COL12A1: variants seen among roughly 807,000 people sequenced by gnomAD.
COL12A1 encodes collagen alpha-1(XII) chain.
Under a neutral mutation model 349.7 loss-of-function variants are expected in COL12A1, and 114 were observed. The ratio of observed to expected loss-of-function variants is 0.33; its 90% CI spans 0.28 to 0.38. The LOEUF (loss-of-function observed/expected upper bound fraction) is 0.38, where lower values mean the gene tolerates loss of function less well. Ranked by LOEUF, COL12A1 falls within the 10% of genes least tolerant of loss-of-function variation. COL12A1 has a pLI of 1.00. For synonymous variants in COL12A1, 1,369 were observed against 1,329.0 expected (o/e 1.03, Z -0.66); for missense variants, 3,284 against 3,756.9 (o/e 0.87, Z 3.29).
rs747509538 is a variant in COL12A1, at chr6:75,146,173, C to T, written c.4489G>A (p.Val1497Met). Residue 1497 changes from valine to methionine, a missense_variant, in exon 24 of 66, where the codon GTG becomes ATG. Physicochemically the swap from Val to Met is conservative, Grantham distance 21. Coordinates refer to ENST00000322507, the MANE Select transcript of COL12A1 (RefSeq NM_004370.6). ...PTTMHVQWQP[V>M]GGATGYILSY... ...AAGATGTAGCCAGTAGCTCCTCCCA[C>T]AGGCTGCCACTGCACATGCATGGTG... 1 of 1,613,728 alleles carries T rather than the reference C, an allele frequency of 6.2e-7. No homozygotes were observed. Among genetic ancestry groups the T allele is most frequent in the Non-Finnish European group, 8.5e-7 (1 of 1,179,790 alleles).
At chr6:75,137,660 CAG>C in intron 30 of COL12A1, 81 bp from the exon 31 acceptor site, 1 of 1,455,228 alleles carries the variant, frequency 6.9e-7, no homozygotes, top group Middle Eastern at 2.3e-4. Context: ...CCAAGGCAAT[CAG>C]AGAATTCTAT....
At chr6:75,127,123 C>T (rs1051586828) in intron 38 of COL12A1, among the ~76,000 whole-genome samples, 2 of 152,028 alleles carry the variant, frequency 1.3e-5, no homozygotes, top group Non-Finnish European at 2.9e-5. Flanking sequence ...ATGACTTTGG[C>T]CCTTCCTGGA....
In COL12A1 at chr6:75,134,127, A is replaced by C. The variant is rs1766456414; in HGVS notation, c.5525-130T>G. 3.0e-6 allele frequency: 3 copies of C among 990,522 alleles called. No individual in the cohort carries two copies. In the South Asian group the frequency reaches 5.0e-5, roughly 16 times the overall value. 61.4% of individuals were successfully genotyped at this position (990,522 alleles called of 1,614,324 possible). A position where few individuals can be genotyped will look rare whatever the true frequency, so the allele number is the denominator to read the frequency against. ...CGCACAAACATTTGTTGAAGTAGTGAATAAACGACACACACTGTGTCCGCG... is the reference window on the plus strand; with the variant it reads ...CGCACAAACATTTGTTGAAGTAGTGCATAAACGACACACACTGTGTCCGCG... On this transcript the variant is annotated intron_variant, in intron 32 of 65. Transcript: ENST00000322507.
In COL12A1 at chr6:75,102,654, G is replaced by T; in HGVS notation, c.8358C>A (p.Gly2786=). 6.4e-7 allele frequency: 1 copy of T among 1,573,052 alleles called. No individual in the cohort carries two copies. Among genetic ancestry groups the T allele is most frequent in the Middle Eastern group, 1.7e-4 (1 of 5,926 alleles). The part of the protein sequence containing the change: ...PGPRGDIGPP[G]PQGPPGPQGP... ...CCTGAGGGCCTGGAGGACCCTGGGG[G>T]CCTGGAGGACCTATGTCTCCACGAG... Residue 2786 remains glycine (G), a synonymous_variant, in exon 56 of 66, where the codon GGC becomes GGA. Transcript: ENST00000322507.
chr6:75,093,770 G>A (rs537982326), intron 60 of COL12A1, among the ~76,000 whole-genome samples: 129 of 151,996 alleles, frequency 8.5e-4, no homozygotes, highest in African/African-American at 3.0e-3. Context: ...TTGTCCTATT[G>A]TTCATGATTT....
chr6:75,133,059 T>C (rs1562186216), intron 34 of COL12A1, among the ~76,000 whole-genome samples: 1 of 152,246 alleles, frequency 6.6e-6, no homozygotes. Flanking sequence ...ATACTGATGA[T>C]TATATGTACC....
chr6:75,152,070 T>C, intron 19 of COL12A1, 39 bp from the exon 20 acceptor site: 2 of 1,613,734 alleles, frequency 1.2e-6, no homozygotes, highest in African/African-American at 1.3e-5. Context: ...CACATCACCA[T>C]TCAGCCACAA....
rs1230547313 is a variant in COL12A1, at chr6:75,199,805, CAT to C, written c.73+2913_73+2914del. On this transcript the variant is annotated intron_variant, in intron 2 of 65. Transcript: ENST00000322507. ...CTCTTATTTCTATAGGACAAGATAACATAGTATGAAAAATATAGCTCCTAATA... is the reference window on the plus strand; with the variant it reads ...CTCTTATTTCTATAGGACAAGATAACAGTATGAAAAATATAGCTCCTAATA... Among the ~76,000 whole-genome samples the C allele has an allele frequency of 5.3e-5, 8 of 152,116 alleles. No individual in the cohort carries two copies. The East Asian group carries it at 1.5e-3, about 29-fold the overall frequency.
intron 57 of COL12A1, 74 bp downstream of exon 57, chr6:75,101,925 G>A: frequency 6.7e-7 from 1 of 1,495,588 alleles, no homozygotes; most frequent in Non-Finnish European, 9.3e-7. Flanking sequence ...ACTTAATCTG[G>A]GTTCACCTTT....
At position 75,084,792 on chromosome 6, in the gene COL12A1, T is replaced by C. The variant is rs1293943576; in HGVS notation, c.*1755A>G. 2 of 155,624 alleles carry C rather than the reference T, an allele frequency of 1.3e-5. No homozygotes were observed. Among genetic ancestry groups the C allele is most frequent in the African/African-American group, 4.8e-5 (2 of 41,444 alleles). The allele number at this position is 155,624 out of a possible 1,614,324, so 9.6% of individuals were successfully genotyped here. A position where few individuals can be genotyped will look rare whatever the true frequency, so the allele number is the denominator to read the frequency against. On this transcript the variant is annotated 3_prime_UTR_variant, in exon 66 of 66. Coordinates refer to ENST00000322507, the MANE Select transcript of COL12A1 (RefSeq NM_004370.6). ...TTTAGGAGGGGAATTATTTGAATCGTGGTGTAATTGAATTGAAAATAAGTA... is the reference window on the plus strand; with the variant it reads ...TTTAGGAGGGGAATTATTTGAATCGCGGTGTAATTGAATTGAAAATAAGTA...
intron 14 of COL12A1, among the ~76,000 whole-genome samples, chr6:75,159,816 C>T (rs1767945155): frequency 6.6e-6 from 1 of 151,308 alleles, no homozygotes; most frequent in African/African-American, 2.4e-5. Flanking sequence ...AAATGGGATG[C>T]CAAGCTTTAA....
Position 75,146,147 on chromosome 6 carries a change from C to T in COL12A1, c.4515G>A (p.Leu1505=), listed in dbSNP as rs1488324549. ...CTGTGTCCTTAACAGGTTTGTATGA[C>T]AAGATGTAGCCAGTAGCTCCTCCCA... is the stretch of plus-strand genomic sequence containing the variant. ...QPVGGATGYI[L]SYKPVKDTEP... is the part of the protein sequence containing the mutation. The change falls in exon 24 of 66, where the codon TTG becomes TTA. Residue 1505 remains leucine (L), a synonymous_variant. Transcript: ENST00000322507. 13 of 1,612,854 alleles carry T rather than the reference C, an allele frequency of 8.1e-6. 1 individual carries two copies. The South Asian group carries it at 1.2e-4, about 15-fold the overall frequency.
intron 31 of COL12A1, 133 bp from the exon 32 acceptor site, chr6:75,134,988 G>T: frequency 1.2e-6 from 1 of 800,298 alleles, no homozygotes; most frequent in African/African-American, 1.7e-5. Flanking sequence ...CACAGTCAAG[G>T]TTTAACATAC....
chr6:75,091,408 A>T lies in COL12A1; in HGVS notation c.8686-19T>A. ...TGTCTCCCTTGTTGAATTAATGAGA[A>T]TGATTAGCATATTAGTTCTATAGTT... On this transcript the variant is annotated intron_variant, in intron 61 of 65. Transcript: ENST00000322507. The T allele has an allele frequency of 1.2e-6, 2 of 1,613,254 alleles. No homozygotes were observed. The highest frequency in any genetic ancestry group is 1.7e-6 in the Non-Finnish European group (2 of 1,179,450).
chr6:75,086,591 T>C (rs1337300198), intron 65 of COL12A1, 34 bp from the exon 66 acceptor site: 5 of 1,581,380 alleles, frequency 3.2e-6, no homozygotes, highest in South Asian at 1.1e-5. Flanking sequence ...TTTTTAAAAG[T>C]TGAATGACTA....
Position 75,115,906 on chromosome 6 carries a change from T to C in COL12A1, c.7575A>G (p.Glu2525=). The change falls in exon 49 of 66, where the codon GAA becomes GAG. Residue 2525 remains glutamate, a synonymous_variant. Coordinates refer to ENST00000322507, the MANE Select transcript of COL12A1 (RefSeq NM_004370.6). ...AATTCTTTTCTGTCAGGTTGTATGC[T>C]TCAAGCATTTTAAAACCTTTACATC... ...GYTSPGFKML[E]AYNLTEKNFA... is the part of the protein sequence containing the mutation. 6.2e-7 allele frequency: 1 copy of C among 1,613,088 alleles called. No individual in the cohort carries two copies. The highest frequency in any genetic ancestry group is 1.1e-5 in the South Asian group (1 of 90,880).
At chr6:75,087,800 G>A (rs1767577865) in intron 64 of COL12A1, 53 bp from the exon 65 acceptor site, 3 of 1,570,686 alleles carry the variant, frequency 1.9e-6, no homozygotes, top group Non-Finnish European at 2.6e-6. Flanking sequence ...TACAACTCCT[G>A]AGGTAGCCAC....
intron 23 of COL12A1, among the ~76,000 whole-genome samples, chr6:75,147,107 G>C (rs888657522): frequency 5.9e-5 from 9 of 152,174 alleles, no homozygotes; most frequent in Admixed American, 3.3e-4. Flanking sequence ...CAAAGCCAAA[G>C]CACTTAGAGT....
At position 75,102,703 on chromosome 6, in the gene COL12A1, CA is replaced by C. The variant is rs1436326715; in HGVS notation, c.8320-12del. 2 of 1,522,000 alleles carry C rather than the reference CA, an allele frequency of 1.3e-6. No homozygotes were observed. The highest frequency in any genetic ancestry group is 1.8e-6 in the Non-Finnish European group (2 of 1,138,108). 94.3% of individuals were successfully genotyped at this position (1,522,000 alleles called of 1,614,324 possible). ...AGGACCAGGGGGCCCCTAAAATACA[CA>C]AGAGAGAGACAACCACAAAGTAATG... On this transcript the variant is annotated splice_polypyrimidine_tract_variant and intron_variant, in intron 55 of 65. Coordinates refer to ENST00000322507, the MANE Select transcript of COL12A1 (RefSeq NM_004370.6).
Sources: gnomAD v4.1 joint callset for allele counts (sites outside exome capture counted in the v4.1 genomes callset) on GRCh38, gnomAD v4.1.1 for gene constraint, MANE v1.5 for transcripts, NCBI Gene and HGNC (gene_info 2026-07-23, HGNC 2026-07-21) for gene names.